SGSM2: variants seen among roughly 807,000 people sequenced by gnomAD.
SGSM2 encodes the protein small G protein signaling modulator 2.
In SGSM2, 89 loss-of-function variants were observed where a neutral mutation model predicts 126.6. The ratio of observed to expected loss-of-function variants is 0.70; its 90% confidence interval spans 0.59 to 0.84. SGSM2 has a LOEUF of 0.84. SGSM2 is among the 40% of genes least tolerant of loss of function. The pLI, the probability that SGSM2 is intolerant of heterozygous loss-of-function variation, is 0.00. For missense variants in SGSM2, 1,404 were observed against 1,416.6 expected (o/e 0.99, Z 0.14); for synonymous variants, 614 against 574.3 (o/e 1.07, Z -0.99).
chr17:2,342,648 T>C (rs1222270750), intron 1 of SGSM2, among the ~76,000 whole-genome samples: 2 of 152,200 alleles, frequency 1.3e-5, no homozygotes, highest in Admixed American at 6.5e-5. Context: ...ATATGTTTAC[T>C]GCACATCAGT....
rs551726112 is a variant in SGSM2, at chr17:2,340,458, A to G, written c.57+2713A>G. The stretch of plus-strand genomic sequence containing the variant: ...TCCACCAGTGCTTAGAAACTGGACT[A>G]TACTGCTCCAAAAGTGATTCCTAAG... On this transcript the variant is annotated intron_variant, in intron 1 of 23. Transcript: ENST00000268989. Among the ~76,000 whole-genome samples the G allele has an allele frequency of 1.1e-4, 17 of 152,282 alleles. No individual in the cohort carries two copies. The South Asian group carries it at 3.1e-3, about 28-fold the overall frequency.
intron 1 of SGSM2, among the ~76,000 whole-genome samples, chr17:2,342,135 C>T (rs373716212): frequency 7.9e-5 from 12 of 151,978 alleles, no homozygotes; most frequent in African/African-American, 2.9e-4. Flanking sequence ...AAACCCAGGC[C>T]GGGTGTGGTG....
chr17:2,361,181 G>A (rs975266818), intron 2 of SGSM2, among the ~76,000 whole-genome samples: 1 of 152,206 alleles, frequency 6.6e-6, no homozygotes, highest in Non-Finnish European at 1.5e-5. Context: ...CCACTGTCGG[G>A]TCCAAGCTCT....
intron 1 of SGSM2, among the ~76,000 whole-genome samples, chr17:2,341,541 C>T (rs192259416): frequency 1.3e-5 from 2 of 152,242 alleles, no homozygotes. Flanking sequence ...CCAAACTATA[C>T]AGTCTTGACT....
intron 2 of SGSM2, among the ~76,000 whole-genome samples, chr17:2,346,953 G>A (rs1340863096): frequency 6.6e-6 from 1 of 152,064 alleles, no homozygotes; most frequent in South Asian, 2.1e-4. Flanking sequence ...GCTGGGCATG[G>A]TGGTGCACGC....
Position 2,364,040 on chromosome 17 carries a change from C to G in SGSM2, c.808-19C>G. The G allele has an allele frequency of 1.2e-6, 2 of 1,613,940 alleles. No homozygotes were observed. Among genetic ancestry groups the G allele is most frequent in the Non-Finnish European group, 1.7e-6 (2 of 1,179,982 alleles). On this transcript the variant is annotated intron_variant, in intron 7 of 23. Coordinates refer to ENST00000268989, the MANE Select transcript of SGSM2 (RefSeq NM_014853.3). ...CTCTCAGCCCTTCATCGTCGGTCTT[C>G]CGGTGTCTCCCGCTGTAGAAGGAGG...
Position 2,364,319 on chromosome 17 carries a change from G to C in SGSM2, c.932+136G>C. Reference sequence around the variant, plus strand: ...TTGGACGCCAAGAATAGCAGGGAGCGGCTGCCTGGAGTGATTCCCAAGCTC... The same window carrying C: ...TTGGACGCCAAGAATAGCAGGGAGCCGCTGCCTGGAGTGATTCCCAAGCTC... On this transcript the variant is annotated intron_variant, in intron 8 of 23. Transcript: ENST00000268989. 2.5e-6 allele frequency: 3 copies of C among 1,191,354 alleles called. No individual in the cohort carries two copies. The South Asian group carries it at 4.2e-5, about 17-fold the overall frequency. The allele number at this position is 1,191,354 out of a possible 1,614,324, so 73.8% of individuals were successfully genotyped here. A position where few individuals can be genotyped will look rare whatever the true frequency, so the allele number is the denominator to read the frequency against.
chr17:2,372,358 G>GCCACCTGTCCACGGTGCGGAC lies in SGSM2; in HGVS notation c.1668_1688dup (p.Thr557_Ser563dup). ...CCCACCGCAGGGCTGGCACACTGCC[G>GCCACCTGTCCACGGTGCGGAC]CCACCTGTCCACGGTGCGGACCCAC... On this transcript the variant is annotated inframe_insertion, in exon 15 of 24. Coordinates refer to ENST00000268989, the MANE Select transcript of SGSM2 (RefSeq NM_014853.3). The surrounding 1 kb of genome is among the most constrained non-coding windows in gnomAD (Gnocchi z 6.0). 2 of 1,592,658 alleles carry GCCACCTGTCCACGGTGCGGAC rather than the reference G, an allele frequency of 1.3e-6. No homozygotes were observed. Among genetic ancestry groups the GCCACCTGTCCACGGTGCGGAC allele is most frequent in the Non-Finnish European group, 1.7e-6 (2 of 1,170,060 alleles).
chr17:2,361,053 G>A (rs2065287726), intron 2 of SGSM2, among the ~76,000 whole-genome samples: 1 of 152,192 alleles, frequency 6.6e-6, no homozygotes, highest in Non-Finnish European at 1.5e-5. Flanking sequence ...GGGTCTGTCT[G>A]TGGAAAGTCC....
At position 2,372,652 on chromosome 17, in the gene SGSM2, A is replaced by G; in HGVS notation, c.1788+164A>G. 9.6e-7 allele frequency: 1 copy of G among 1,044,958 alleles called. No homozygotes were observed. Among genetic ancestry groups the G allele is most frequent in the Non-Finnish European group, 1.4e-6 (1 of 714,904 alleles). The allele number at this position is 1,044,958 out of a possible 1,614,324, so 64.7% of individuals were successfully genotyped here. A position where few individuals can be genotyped will look rare whatever the true frequency, so the allele number is the denominator to read the frequency against. On this transcript the variant is annotated intron_variant, in intron 15 of 23. Transcript: ENST00000268989. The surrounding 1 kb of genome is among the most constrained non-coding windows in gnomAD (Gnocchi z 6.0). ...TCTCTTGCAGCTGGGCCTGGGGCTG[A>G]CACGGGAAGGGGGCTGGACTGGGAA...
intron 2 of SGSM2, among the ~76,000 whole-genome samples, chr17:2,349,249 G>T (rs183389434): frequency 1.3e-5 from 2 of 152,092 alleles, no homozygotes; most frequent in African/African-American, 4.8e-5. Flanking sequence ...CATGGTGCAC[G>T]CCTGTAATCC....
Position 2,367,292 on chromosome 17 carries a change from T to C in SGSM2, c.1310T>C (p.Leu437Pro). The C allele has an allele frequency of 6.2e-7, 1 of 1,613,658 alleles. No individual in the cohort carries two copies. The highest frequency in any genetic ancestry group is 8.5e-7 in the Non-Finnish European group (1 of 1,179,874). ...HEHITINYHH[L>P]AASRAASVDD... ...GCAGTCACTATTAACTACCACCACC[T>C]AGCGGCCAGCCGCGCGGCCTCGGTG... The change falls in exon 12 of 24, where the codon CTA becomes CCA. Residue 437 changes from leucine (L) to proline (P), a missense_variant. Leu to Pro is a moderately conservative substitution (Grantham distance 98). Coordinates refer to ENST00000268989, the MANE Select transcript of SGSM2 (RefSeq NM_014853.3). The surrounding 1 kb of genome is among the most constrained non-coding windows in gnomAD (Gnocchi z 4.0).
Position 2,362,134 on chromosome 17 carries a change from G to A in SGSM2, c.322G>A (p.Ala108Thr). ...GAAACCCTCAGGGGTCAGCCAGGAGGCCCTGCGGAGACAGGGCTCAGCCAG... is the reference window on the plus strand; with the variant it reads ...GAAACCCTCAGGGGTCAGCCAGGAGACCCTGCGGAGACAGGGCTCAGCCAG... Reference protein sequence around the residue: ...GRKPSGVSQEALRRQGSASGK... With the variant: ...GRKPSGVSQETLRRQGSASGK... The change falls in exon 4 of 24, where the codon GCC becomes ACC. Residue 108 changes from alanine (A) to threonine (T), a missense_variant. Physicochemically the swap from Ala to Thr is moderately conservative, Grantham distance 58 (BLOSUM62 0). Transcript: ENST00000268989. This position sits in a 1 kb window ranked among gnomAD's most constrained non-coding sequence, Gnocchi z 4.9. 1.2e-6 allele frequency: 2 copies of A among 1,613,352 alleles called. No homozygotes were observed. The highest frequency in any genetic ancestry group is 1.7e-6 in the Non-Finnish European group (2 of 1,179,862).
chr17:2,380,260 ATT>A lies in SGSM2; in HGVS notation c.*741_*742del. Reference sequence around the variant, plus strand: ...CTGCCACCCCACCCTTGCGTTCTGCATTAGGTACTTCCCTGAAAACCACGTGT... The same window carrying A: ...CTGCCACCCCACCCTTGCGTTCTGCAAGGTACTTCCCTGAAAACCACGTGT... On this transcript the variant is annotated 3_prime_UTR_variant, in exon 24 of 24. Coordinates refer to ENST00000268989, the MANE Select transcript of SGSM2 (RefSeq NM_014853.3). The A allele has an allele frequency of 1.3e-6, 2 of 1,535,966 alleles. No individual in the cohort carries two copies. Among genetic ancestry groups the A allele is most frequent in the Non-Finnish European group, 1.7e-6 (2 of 1,146,868 alleles).
At position 2,362,989 on chromosome 17, in the gene SGSM2, T is replaced by C. The variant is rs747335210; in HGVS notation, c.527T>C (p.Val176Ala). The change falls in exon 6 of 24, where the codon GTG becomes GCG. Residue 176 changes from valine to alanine, a missense_variant and splice_region_variant. Coordinates refer to ENST00000268989, the MANE Select transcript of SGSM2 (RefSeq NM_014853.3). The surrounding 1 kb of genome is among the most constrained non-coding windows in gnomAD (Gnocchi z 4.9). ...GGGCTGGCTGTCTCTGTCTCCACAG[T>C]GGGACCCTGTGCCTTGGAATACACT... ...VFGPILASLL[V>A]GPCALEYTKL... 9.3e-6 allele frequency: 15 copies of C among 1,613,952 alleles called. No individual in the cohort carries two copies. The highest frequency in any genetic ancestry group is 1.3e-5 in the Non-Finnish European group (15 of 1,180,042).
At position 2,343,604 on chromosome 17, in the gene SGSM2, C is replaced by T; in HGVS notation, c.117C>T (p.His39=). 6.2e-7 allele frequency: 1 copy of T among 1,614,134 alleles called. No homozygotes were observed. Among genetic ancestry groups the T allele is most frequent in the Non-Finnish European group, 8.5e-7 (1 of 1,180,004 alleles). The change falls in exon 2 of 24, where the codon CAC becomes CAT. Residue 39 remains histidine (H), a synonymous_variant. Transcript: ENST00000268989. ...TRKFVHEDSS[H]IIALCGAVEA... ...AGTTTGTGCATGAAGACAGCAGCCACATCATTGCTTTATGTGGTGAGTGAG... is the reference window on the plus strand; with the variant it reads ...AGTTTGTGCATGAAGACAGCAGCCATATCATTGCTTTATGTGGTGAGTGAG...
In SGSM2 at chr17:2,367,296, G is replaced by A. The variant is rs775677403; in HGVS notation, c.1314G>A (p.Ala438=). 1.5e-5 allele frequency: 24 copies of A among 1,613,724 alleles called. No individual in the cohort carries two copies. The highest frequency in any genetic ancestry group is 1.9e-5 in the Non-Finnish European group (23 of 1,179,934). ...EHITINYHHL[A]ASRAASVDDD... ...TCACTATTAACTACCACCACCTAGC[G>A]GCCAGCCGCGCGGCCTCGGTGGACG... Residue 438 remains alanine (A), a synonymous_variant, in exon 12 of 24, where the codon GCG becomes GCA. Coordinates refer to ENST00000268989, the MANE Select transcript of SGSM2 (RefSeq NM_014853.3). This position sits in a 1 kb window ranked among gnomAD's most constrained non-coding sequence, Gnocchi z 4.0.
chr17:2,338,444 G>T (rs778226151), intron 1 of SGSM2, among the ~76,000 whole-genome samples: 1 of 152,120 alleles, frequency 6.6e-6, no homozygotes, highest in African/African-American at 2.4e-5. Flanking sequence ...CATTTCGGGT[G>T]GGGGGCAGTG....
chr17:2,363,486 G>A lies in SGSM2; in HGVS notation c.694G>A (p.Gly232Ser), dbSNP rs534730966. 4.7e-5 allele frequency: 76 copies of A among 1,613,382 alleles called. No individual in the cohort carries two copies. The East Asian group carries it at 9.6e-4, about 20-fold the overall frequency. The change falls in exon 7 of 24, where the codon GGC becomes AGC. Residue 232 changes from glycine (G) to serine (S), a missense_variant. Physicochemically the swap from Gly to Ser is moderately conservative, Grantham distance 56. Coordinates refer to ENST00000268989, the MANE Select transcript of SGSM2 (RefSeq NM_014853.3). The surrounding 1 kb of genome is among the most constrained non-coding windows in gnomAD (Gnocchi z 4.2). ...ALGIRKRHSS[G>S]SASEDRLAAC... The stretch of plus-strand genomic sequence containing the variant: ...ACAGATCCGGAAACGGCACTCAAGC[G>A]GCAGCGCGTCGGAGGACAGGCTGGC...
Sources: allele counts gnomAD v4.1 joint callset (sites outside exome capture counted in the v4.1 genomes callset), GRCh38; gene constraint gnomAD v4.1.1; non-coding constraint Gnocchi (gnomAD v3.1); transcripts MANE v1.5; gene names NCBI Gene and HGNC (gene_info 2026-07-23, HGNC 2026-07-21).